Variants in PTPRN2 observed in about 807,000 individuals in gnomAD.
PTPRN2 encodes protein tyrosine phosphatase receptor type N2, also known as receptor-type tyrosine-protein phosphatase N2.
PTPRN2 carries 74 observed loss-of-function variants against 118.8 expected under a neutral mutation model. The observed-to-expected ratio is 0.62, with a 90% CI of 0.52 to 0.76. The LOEUF (loss-of-function observed/expected upper bound fraction) is 0.76, where lower values mean the gene tolerates loss of function less well. PTPRN2 is among the 30% of genes least tolerant of loss of function. The pLI, the probability that PTPRN2 is intolerant of heterozygous loss-of-function variation, is 0.00. For synonymous variants in PTPRN2, 641 were observed against 608.0 expected (o/e 1.05, Z -0.80); for missense variants, 1,481 against 1,394.4 (o/e 1.06, Z -0.99).
chr7:157,576,108 T>A (rs957448829), intron 19 of PTPRN2, among the ~76,000 whole-genome samples: 2 of 152,144 alleles, frequency 1.3e-5, no homozygotes, highest in African/African-American at 4.8e-5. Context: ...ACTGGAGCAA[T>A]GAACAAAAAA....
At chr7:158,119,878 G>T (rs1386786684) in intron 9 of PTPRN2, among the ~76,000 whole-genome samples, 1 of 152,032 alleles carries the variant, frequency 6.6e-6, no homozygotes, top group Non-Finnish European at 1.5e-5. Context: ...TTGAAAACAG[G>T]GTCTCAAAGA....
chr7:157,667,448 G>A (rs574767027), intron 13 of PTPRN2, among the ~76,000 whole-genome samples: 12 of 152,318 alleles, frequency 7.9e-5, no homozygotes, highest in South Asian at 2.1e-4. Context: ...GCCAGTGCCC[G>A]CATCTACATT....
intron 12 of PTPRN2, among the ~76,000 whole-genome samples, chr7:157,706,696 CG>C (rs1798349511): frequency 7.3e-6 from 1 of 137,654 alleles, no homozygotes; most frequent in Non-Finnish European, 1.6e-5. Flanking sequence ...TGGATAAAGG[CG>C]GATCACATCC....
At chr7:157,665,754 A>G (rs1796106038) in intron 13 of PTPRN2, among the ~76,000 whole-genome samples, 1 of 152,254 alleles carries the variant, frequency 6.6e-6, no homozygotes, top group South Asian at 2.1e-4. Flanking sequence ...TCAATGATAG[A>G]CTGGATTAAG....
At chr7:158,216,740 A>G (rs1289232225) in intron 3 of PTPRN2, among the ~76,000 whole-genome samples, 2 of 152,208 alleles carry the variant, frequency 1.3e-5, no homozygotes, top group African/African-American at 4.8e-5. Flanking sequence ...CAACAATACC[A>G]TTAATCAACA....
At chr7:158,220,218 T>G (rs1355416025) in intron 3 of PTPRN2, among the ~76,000 whole-genome samples, 1 of 152,132 alleles carries the variant, frequency 6.6e-6, no homozygotes, top group Admixed American at 6.5e-5. Flanking sequence ...AACATCATAT[T>G]GAACAGGCAA....
chr7:157,656,071 A>C (rs971476598), intron 14 of PTPRN2, among the ~76,000 whole-genome samples: 4 of 47,810 alleles, frequency 8.4e-5, no homozygotes, highest in African/African-American at 2.1e-4. Context: ...TTCCACTGAA[A>C]ACTAAATAGC....
intron 12 of PTPRN2, among the ~76,000 whole-genome samples, chr7:157,886,222 C>T (rs546750669): frequency 6.6e-6 from 1 of 152,224 alleles, no homozygotes; most frequent in South Asian, 2.1e-4. Context: ...CCACTAAGAC[C>T]CAGGCACAAG....
rs77179955 is a variant in PTPRN2 at position 157,639,786 on chromosome 7, C to T, written c.2196+16571G>A. Reference sequence around the variant, plus strand: ...CATAACACAGGACCCTCAACAACCACACCCTTAGCAAATGGGTGTGCTCAC... The same window carrying T: ...CATAACACAGGACCCTCAACAACCATACCCTTAGCAAATGGGTGTGCTCAC... On this transcript the variant is annotated intron_variant, in intron 14 of 22. Coordinates refer to ENST00000389418, the MANE Select transcript of PTPRN2 (RefSeq NM_002847.5). 3.4e-3 allele frequency among the ~76,000 whole-genome samples: 514 copies of T among 152,356 alleles called. 5 individuals carry two copies. The highest frequency in any genetic ancestry group is 0.011 in the African/African-American group (466 of 41,586).
At chr7:158,395,246 C>A (rs1812257960) in intron 2 of PTPRN2, among the ~76,000 whole-genome samples, 1 of 139,358 alleles carries the variant, frequency 7.2e-6, no homozygotes, top group Non-Finnish European at 1.6e-5. Context: ...CTGAATCCCC[C>A]GTGCGGGCAC....
intron 21 of PTPRN2, among the ~76,000 whole-genome samples, chr7:157,567,619 T>G (rs1325277397): frequency 1.3e-5 from 2 of 152,096 alleles, no homozygotes. Flanking sequence ...TATAGAAACT[T>G]GTTTCTATAA....
At chr7:158,582,255 C>T (rs1828664203) in intron 1 of PTPRN2, among the ~76,000 whole-genome samples, 3 of 152,160 alleles carry the variant, frequency 2.0e-5, no homozygotes, top group Admixed American at 2.0e-4. Context: ...GGAGGGTTAT[C>T]TGCCATGAAT....
intron 12 of PTPRN2, among the ~76,000 whole-genome samples, chr7:157,837,983 C>G (rs10226741): frequency 0.015 from 2,188 of 150,210 alleles, 24 homozygotes; most frequent in African/African-American, 0.052. Context: ...GAGAAAGCTC[C>G]TCTCCACTAT....
intron 20 of PTPRN2, among the ~76,000 whole-genome samples, chr7:157,570,369 C>G (rs558424945): frequency 6.6e-6 from 1 of 152,168 alleles, no homozygotes; most frequent in Non-Finnish European, 1.5e-5. Flanking sequence ...GATAACAAAC[C>G]GTAATCTATT....
chr7:158,387,575 T>TAAAGCA (rs61116708), intron 2 of PTPRN2, among the ~76,000 whole-genome samples: 2 of 150,830 alleles, frequency 1.3e-5, no homozygotes, highest in African/African-American at 4.9e-5. Flanking sequence ...CCCTGTCAGC[T>TAAAGCA]CAGCTTGGCC....
At chr7:158,129,649 G>C (rs56299768) in intron 9 of PTPRN2, among the ~76,000 whole-genome samples, 98,086 of 152,058 alleles carry the variant, frequency 0.65, 32,135 homozygotes, top group African/African-American at 0.74. Flanking sequence ...TGTTTCCTAG[G>C]GAGGGAGACG....
At chr7:157,824,322 G>C (rs1807035796) in intron 12 of PTPRN2, among the ~76,000 whole-genome samples, 1 of 152,242 alleles carries the variant, frequency 6.6e-6, no homozygotes, top group South Asian at 2.1e-4. Context: ...ACCGCTGCCA[G>C]AGAACCACAA....
chr7:157,811,045 G>T (rs1805998367), intron 12 of PTPRN2, among the ~76,000 whole-genome samples: 1 of 151,980 alleles, frequency 6.6e-6, no homozygotes, highest in Admixed American at 6.5e-5. Flanking sequence ...GCCAAGGCAG[G>T]CGGATCACGA....
At chr7:158,364,216 C>T (rs866302865) in intron 2 of PTPRN2, among the ~76,000 whole-genome samples, 5 of 146,156 alleles carry the variant, frequency 3.4e-5, no homozygotes, top group African/African-American at 1.0e-4. Flanking sequence ...CCCATCCTCA[C>T]TTCACCTGCC....
Sources: gnomAD v4.1 joint callset for allele counts (sites outside exome capture counted in the v4.1 genomes callset) on GRCh38, gnomAD v4.1.1 for gene constraint, MANE v1.5 for transcripts, NCBI Gene and HGNC (gene_info 2026-07-23, HGNC 2026-07-21) for gene names.